The following SOX6 variants were observed in gnomAD, a reference collection of about 807,000 sequenced individuals.
SOX6 encodes SRY-box transcription factor 6.
A neutral mutation model predicts 97.8 loss-of-function variants in SOX6; 11 were observed. That is an observed-to-expected ratio of 0.11 (90% CI 0.07 to 0.19). SOX6 has a LOEUF of 0.19. SOX6 is among the 10% of genes least tolerant of loss of function. The probability of loss-of-function intolerance (pLI) is 1.00; values close to 1 mark genes in which losing one functional copy is unlikely to be tolerated. For synonymous variants in SOX6, 360 were observed against 371.4 expected (o/e 0.97, Z 0.35); for missense variants, 810 against 1,039.5 (o/e 0.78, Z 3.04).
At chr11:16,587,464 A>G (rs567660966) in intron 4 of SOX6, among the ~76,000 whole-genome samples, 2 of 152,362 alleles carry the variant, frequency 1.3e-5, no homozygotes, top group South Asian at 4.1e-4. Context: ...CTCAAAAAAT[A>G]GTATATAGGT....
At chr11:16,499,864 C>T (rs975817281) in intron 4 of SOX6, among the ~76,000 whole-genome samples, 40 of 152,248 alleles carry the variant, frequency 2.6e-4, no homozygotes, top group Middle Eastern at 3.4e-3. Context: ...GAGTCACAGC[C>T]GAATTCTACT....
rs1554934020 is a variant in SOX6 at position 16,132,444 on chromosome 11, A to AGAAAAAAG, written c.778-20522_778-20521insCTTTTTTC. On this transcript the variant is annotated intron_variant, in intron 6 of 15. Coordinates refer to ENST00000683767, the MANE Select transcript of SOX6 (RefSeq NM_001367873.1). ...AAGAAAGAAAGAAAGAAAGAAAGAA[A>AGAAAAAAG]AAAGAAAGAAAGAAAGAAAGAAAGA... Among the ~76,000 whole-genome samples the AGAAAAAAG allele has an allele frequency of 1.6e-3, 43 of 27,206 alleles. 2 individuals carry two copies. The highest frequency in any genetic ancestry group is 4.5e-3 in the East Asian group (3 of 670). The allele number at this position is 27,206 out of a possible 152,430, so 17.8% of individuals were successfully genotyped here.
chr11:16,328,938 T>C (rs1459185972), intron 2 of SOX6, among the ~76,000 whole-genome samples: 1 of 152,220 alleles, frequency 6.6e-6, no homozygotes, highest in Admixed American at 6.5e-5. Flanking sequence ...TATTTGGTTC[T>C]AATTGCCAAC....
intron 3 of SOX6, among the ~76,000 whole-genome samples, chr11:16,268,629 C>T (rs1854152797): frequency 6.6e-6 from 1 of 151,114 alleles, no homozygotes; most frequent in Admixed American, 6.6e-5. Flanking sequence ...TCAGATAATT[C>T]AACACCCCTT....
Position 16,096,082 on chromosome 11 carries a change from G to T in SOX6, c.1015C>A (p.Leu339Ile). The T allele has an allele frequency of 1.2e-6, 2 of 1,610,950 alleles. No individual in the cohort carries two copies. Among genetic ancestry groups the T allele is most frequent in the Non-Finnish European group, 1.7e-6 (2 of 1,178,368 alleles). Residue 339 changes from leucine to isoleucine, a missense_variant, in exon 9 of 16, where the codon CTA becomes ATA. Physicochemically the swap from Leu to Ile is conservative, Grantham distance 5. Transcript: ENST00000683767. The stretch of plus-strand genomic sequence containing the variant: ...CCAAAACGGTCACTTAGGCCCTTTA[G>T]CCTTTGGTTAATTTGTGGGTGGGAG... ...HVSHPQINQR[L>I]KGLSDRFGRN...
chr11:16,122,651 T>A (rs1488819196), intron 6 of SOX6, among the ~76,000 whole-genome samples: 1 of 152,004 alleles, frequency 6.6e-6, no homozygotes, highest in South Asian at 2.1e-4. Flanking sequence ...AAATTCCTCA[T>A]CCAGAAATGC....
chr11:16,473,257 A>G (rs1236921998), intron 1 of SOX6, among the ~76,000 whole-genome samples: 7 of 152,226 alleles, frequency 4.6e-5, no homozygotes, highest in Admixed American at 2.0e-4. Context: ...GACCACTGCA[A>G]TAAAGCAAAT....
At chr11:16,364,237 A>G (rs1268486978) in intron 1 of SOX6, among the ~76,000 whole-genome samples, 1 of 152,158 alleles carries the variant, frequency 6.6e-6, no homozygotes, top group African/African-American at 2.4e-5. Flanking sequence ...AGCTTAATGC[A>G]GAACAAGAAT....
chr11:16,456,630 T>C (rs117794617), intron 1 of SOX6, among the ~76,000 whole-genome samples: 2 of 152,180 alleles, frequency 1.3e-5, no homozygotes, highest in Non-Finnish European at 2.9e-5. Context: ...TCAACAGCAT[T>C]ATGTACAAAA....
chr11:16,304,700 T>C (rs567833969), intron 3 of SOX6, among the ~76,000 whole-genome samples: 1 of 152,232 alleles, frequency 6.6e-6, no homozygotes, highest in Non-Finnish European at 1.5e-5. Flanking sequence ...TGTGACCTTG[T>C]TGACTCATTA....
At chr11:16,373,883 G>GGGAGGGA in intron 1 of SOX6, among the ~76,000 whole-genome samples, 1 of 14,058 alleles carries the variant, frequency 7.1e-5, no homozygotes, top group African/African-American at 2.1e-4. Flanking sequence ...AAGGAAGGAA[G>GGGAGGGA]GAAGGGAGGG....
At chr11:16,584,246 C>T (rs537133992) in intron 4 of SOX6, among the ~76,000 whole-genome samples, 39 of 152,172 alleles carry the variant, frequency 2.6e-4, no homozygotes, top group African/African-American at 8.9e-4. Context: ...AATGGAATCA[C>T]ACCACAAAAA....
chr11:16,084,295 T>C (rs961884961), intron 9 of SOX6, among the ~76,000 whole-genome samples: 3 of 152,120 alleles, frequency 2.0e-5, no homozygotes, highest in Non-Finnish European at 4.4e-5. Flanking sequence ...GTATTACTCA[T>C]TTAATTTATT....
At chr11:15,986,459 G>T in intron 14 of SOX6, 39 bp from the exon 15 acceptor site, 1 of 1,599,472 alleles carries the variant, frequency 6.3e-7, no homozygotes, top group South Asian at 1.1e-5. Flanking sequence ...AAGTGGTCAA[G>T]GCAACATATT....
At chr11:16,720,377 G>A (rs1158472954) in intron 2 of SOX6, among the ~76,000 whole-genome samples, 7 of 135,066 alleles carry the variant, frequency 5.2e-5, no homozygotes, top group African/African-American at 1.7e-4. Context: ...AAAATGATGA[G>A]TTCATGTCCT....
At chr11:16,368,983 T>C (rs897972875) in intron 1 of SOX6, among the ~76,000 whole-genome samples, 2 of 152,092 alleles carry the variant, frequency 1.3e-5, no homozygotes, top group African/African-American at 4.8e-5. Flanking sequence ...TCCCTGTAAT[T>C]CCATCATTGA....
intron 3 of SOX6, among the ~76,000 whole-genome samples, chr11:16,247,518 G>A (rs927755348): frequency 6.6e-6 from 1 of 152,224 alleles, no homozygotes; most frequent in Admixed American, 6.5e-5. Context: ...GGAGGCCTCA[G>A]GAAATTTACA....
chr11:16,355,221 A>G (rs1857042383), intron 1 of SOX6, among the ~76,000 whole-genome samples: 1 of 152,086 alleles, frequency 6.6e-6, no homozygotes, highest in Non-Finnish European at 1.5e-5. Context: ...CCTAAAGACC[A>G]AACTCACAAA....
intron 4 of SOX6, among the ~76,000 whole-genome samples, chr11:16,536,480 G>T (rs149901498): frequency 3.9e-5 from 6 of 152,318 alleles, no homozygotes; most frequent in African/African-American, 1.4e-4. Context: ...CATGGAGGGT[G>T]AGCTGAAGAA....
Sources: allele counts gnomAD v4.1 joint callset (sites outside exome capture counted in the v4.1 genomes callset), GRCh38; gene constraint gnomAD v4.1.1; transcripts MANE v1.5; gene names NCBI Gene and HGNC (gene_info 2026-07-23, HGNC 2026-07-21).